The following UBXN11 variants were observed in gnomAD, a reference collection of about 807,000 sequenced individuals.
UBXN11 encodes UBX domain protein 11, also known as UBX domain-containing protein 11.
UBXN11 carries 47 observed loss-of-function variants against 62.8 expected under a neutral mutation model. The observed-to-expected ratio is 0.75, with a 90% CI of 0.59 to 0.95. The LOEUF is 0.95. UBXN11 is among the 40% of genes least tolerant of loss of function. UBXN11 has a pLI of 0.00. For synonymous variants in UBXN11, 294 were observed against 267.0 expected (o/e 1.10, Z -0.99); for missense variants, 638 against 661.7 (o/e 0.96, Z 0.39).
At chr1:26,291,087 G>A (rs6686311) in intron 8 of UBXN11, among the ~76,000 whole-genome samples, 132,987 of 152,138 alleles carry the variant, frequency 0.87, 59,085 homozygotes, top group Non-Finnish European at 0.93. Context: ...CAGGCTCCAG[G>A]AAGTTTGATC....
intron 8 of UBXN11, 102 bp downstream of exon 8, chr1:26,294,103 A>C: frequency 1.3e-6 from 2 of 1,512,716 alleles, no homozygotes; most frequent in Non-Finnish European, 8.9e-7. Flanking sequence ...TGGGTCAGGG[A>C]CCCGGGCACG....
intron 10 of UBXN11, 70 bp from the exon 11 acceptor site, chr1:26,284,552 A>G: frequency 2.0e-6 from 3 of 1,515,438 alleles, no homozygotes; most frequent in South Asian, 1.3e-5. Flanking sequence ...TTTCATCCCT[A>G]TTTGCCTAAA....
chr1:26,289,867 C>A (rs2073218300), intron 8 of UBXN11, among the ~76,000 whole-genome samples: 1 of 152,204 alleles, frequency 6.6e-6, no homozygotes, highest in Non-Finnish European at 1.5e-5. Context: ...ACGGCTGCAA[C>A]AGGAAGTGGA....
At chr1:26,290,438 C>G (rs2073234304) in intron 8 of UBXN11, among the ~76,000 whole-genome samples, 1 of 152,170 alleles carries the variant, frequency 6.6e-6, no homozygotes, top group African/African-American at 2.4e-5. Context: ...GCAGCACAGC[C>G]CACACAGGGC....
chr1:26,282,399 CCG>C lies in UBXN11; in HGVS notation c.1461_1462del (p.Gly488SerfsTer?), dbSNP rs770584360. 153 of 1,262,444 alleles carry C rather than the reference CCG, an allele frequency of 1.2e-4. No individual in the cohort carries two copies. The highest frequency in any genetic ancestry group is 2.4e-5 in the Non-Finnish European group (23 of 952,864). 78.2% of individuals were successfully genotyped at this position (1,262,444 alleles called of 1,614,324 possible). A position where few individuals can be genotyped will look rare whatever the true frequency, so the allele number is the denominator to read the frequency against. On this transcript the variant is annotated frameshift_variant, in exon 15 of 15. Transcript: ENST00000374222. LOFTEE classifies it low-confidence loss of function (END_TRUNC). ...ACCGGGACTGGGGCCGGGACCGGGA[CCG>C]GGACAGGGACCAGGACTGAATTTCA...
intron 1 of UBXN11, among the ~76,000 whole-genome samples, chr1:26,313,085 T>TA: frequency 6.6e-6 from 1 of 151,350 alleles, no homozygotes; most frequent in Non-Finnish European, 1.5e-5. Flanking sequence ...TCACCTTGGA[T>TA]GCTGTATGAT....
chr1:26,308,265 C>CAAA (rs112792329), upstream of UBXN11, among the ~76,000 whole-genome samples: 1 of 78,396 alleles, frequency 1.3e-5, no homozygotes, highest in African/African-American at 4.4e-5. Flanking sequence ...GAAACTCTGT[C>CAAA]AAAAAAAAAA....
intron 2 of UBXN11, among the ~76,000 whole-genome samples, chr1:26,301,942 G>A (rs1275637053): frequency 6.6e-6 from 1 of 152,226 alleles, no homozygotes; most frequent in Non-Finnish European, 1.5e-5. Flanking sequence ...AGAAGGATGG[G>A]GAAGGGGTGA....
intron 3 of UBXN11, 80 bp from the exon 4 acceptor site, chr1:26,301,104 A>G: frequency 3.7e-6 from 6 of 1,607,636 alleles, no homozygotes; most frequent in Non-Finnish European, 5.1e-6. Context: ...CGCCAGTGTG[A>G]CGCGGCCTAT....
At chr1:26,303,661 C>T (rs1191209005) in intron 1 of UBXN11, among the ~76,000 whole-genome samples, 1 of 146,448 alleles carries the variant, frequency 6.8e-6, no homozygotes, top group Non-Finnish European at 1.5e-5. Flanking sequence ...AGACACAGTC[C>T]ATGTGACACC....
At chr1:26,312,353 C>T (rs1034881540) in intron 1 of UBXN11, among the ~76,000 whole-genome samples, 15 of 152,060 alleles carry the variant, frequency 9.9e-5, no homozygotes, top group African/African-American at 3.4e-4. Context: ...TGGGTTCAAG[C>T]GATTCTCCTG....
At position 26,285,570 on chromosome 1, in the gene UBXN11, T is replaced by TG. The variant is rs750586220; in HGVS notation, c.775-30dup. 3.3e-6 allele frequency: 5 copies of TG among 1,532,544 alleles called. No individual in the cohort carries two copies. The South Asian group carries it at 6.2e-5, about 19-fold the overall frequency. 94.9% of individuals were successfully genotyped at this position (1,532,544 alleles called of 1,614,324 possible). A position where few individuals can be genotyped will look rare whatever the true frequency, so the allele number is the denominator to read the frequency against. On this transcript the variant is annotated intron_variant, in intron 9 of 14. Coordinates refer to ENST00000374222, the MANE Select transcript of UBXN11 (RefSeq NM_001389556.1). The stretch of plus-strand genomic sequence containing the variant: ...CAAGGGAAGAGGAAAAGTGAGGGGG[T>TG]GGCCTGGGCCTTGGGCCCACCCTGC...
At chr1:26,289,284 CTGT>C (rs988712119) in intron 8 of UBXN11, among the ~76,000 whole-genome samples, 6 of 152,232 alleles carry the variant, frequency 3.9e-5, no homozygotes, top group Admixed American at 1.3e-4. Flanking sequence ...CAGATGGTGG[CTGT>C]TGTTGTCCCT....
chr1:26,285,607 T>C, intron 9 of UBXN11, 66 bp from the exon 10 acceptor site: 1 of 1,455,846 alleles, frequency 6.9e-7, no homozygotes, highest in African/African-American at 1.4e-5. Flanking sequence ...CTGCCACTGG[T>C]CTGGATGGCA....
chr1:26,282,903 A>G lies in UBXN11; in HGVS notation c.1112T>C (p.Ile371Thr), dbSNP rs769171435. The change falls in exon 13 of 15, where the codon ATT becomes ACT. Residue 371 changes from isoleucine (I) to threonine (T), a missense_variant. Physicochemically the swap from Ile to Thr is moderately conservative, Grantham distance 89. Coordinates refer to ENST00000374222, the MANE Select transcript of UBXN11 (RefSeq NM_001389556.1). Reference sequence around the variant, plus strand: ...GGCCAAGGTGGGCGTCTCCACCACAATCTCCTGGATCCGGGCAGGCAATGG... The same window carrying G: ...GGCCAAGGTGGGCGTCTCCACCACAGTCTCCTGGATCCGGGCAGGCAATGG... Reference protein sequence around the residue: ...CCPLPARIQEIVVETPTLAAE... With the variant: ...CCPLPARIQETVVETPTLAAE... 3.1e-6 allele frequency: 5 copies of G among 1,613,880 alleles called. No homozygotes were observed. Among genetic ancestry groups the G allele is most frequent in the African/African-American group, 1.3e-5 (1 of 74,844 alleles).
chr1:26,315,900 T>A (rs1007278707), intron 1 of UBXN11, among the ~76,000 whole-genome samples: 2 of 150,278 alleles, frequency 1.3e-5, no homozygotes, highest in Non-Finnish European at 2.9e-5. Flanking sequence ...CCTCAGGTGA[T>A]CCACCCACCT....
rs995746739 is a variant in UBXN11, at chr1:26,283,059, G to T, written c.1078-122C>A. ...AGACCAGTGAGCAAAGCGGGAGGGG[G>T]TGTTCTGTATAAACCAAGGCCAGAG... On this transcript the variant is annotated intron_variant, in intron 12 of 14. Transcript: ENST00000374222. 4.6e-6 allele frequency: 6 copies of T among 1,296,736 alleles called. No homozygotes were observed. The East Asian group carries it at 9.7e-5, about 21-fold the overall frequency. 80.3% of individuals were successfully genotyped at this position (1,296,736 alleles called of 1,614,324 possible).
intron 4 of UBXN11, among the ~76,000 whole-genome samples, chr1:26,299,153 T>G (rs1477994036): frequency 1.3e-5 from 2 of 151,930 alleles, no homozygotes; most frequent in African/African-American, 4.8e-5. Context: ...ACACATGGAG[T>G]GCAGGTGAGC....
In UBXN11 at chr1:26,302,842, C is replaced by G. The variant is rs2073572815; in HGVS notation, c.42G>C (p.Val14=). 5.6e-6 allele frequency: 9 copies of G among 1,613,730 alleles called. No individual in the cohort carries two copies. Among genetic ancestry groups the G allele is most frequent in the Admixed American group, 1.7e-5 (1 of 59,968 alleles). ...GATTCATAGGCTCCGAGGGCAGGGG[C>G]ACTTTTCGGGTCTTGCTAAGGGAGG... ...PLASLSKTRK[V]PLPSEPMNPG... is the part of the protein sequence containing the mutation. Residue 14 remains valine, a synonymous_variant, in exon 2 of 15, where the codon GTG becomes GTC. Coordinates refer to ENST00000374222, the MANE Select transcript of UBXN11 (RefSeq NM_001389556.1).
Sources: gnomAD v4.1 joint callset for allele counts (sites outside exome capture counted in the v4.1 genomes callset) on GRCh38, gnomAD v4.1.1 for gene constraint, MANE v1.5 for transcripts, NCBI Gene and HGNC (gene_info 2026-07-23, HGNC 2026-07-21) for gene names.